The following FAF1 variants were observed in gnomAD, a reference collection of about 807,000 sequenced individuals.
The protein encoded by FAF1 is FAS-associated factor 1.
Under a neutral mutation model 92.5 loss-of-function variants are expected in FAF1, and 25 were observed. The observed-to-expected ratio is 0.27, with a 90% CI of 0.20 to 0.38. The LOEUF is 0.38. Among genes scored for constraint, FAF1 ranks in the 10% least tolerant of loss-of-function variants. The pLI is 1.00. For synonymous variants in FAF1, 234 were observed against 273.2 expected (o/e 0.86, Z 1.42); for missense variants, 636 against 793.3 (o/e 0.80, Z 2.38).
At chr1:50,939,456 A>G (rs931144980) in intron 1 of FAF1, among the ~76,000 whole-genome samples, 2 of 152,174 alleles carry the variant, frequency 1.3e-5, no homozygotes, top group African/African-American at 2.4e-5. Context: ...CAGTTCTAGG[A>G]GCTTTTGGCA....
chr1:50,885,324 A>ACACACACACACACACACACACACACC (rs1644651416), intron 1 of FAF1, among the ~76,000 whole-genome samples: 3 of 102,208 alleles, frequency 2.9e-5, no homozygotes, highest in Non-Finnish European at 4.3e-5. Context: ...ACACACACAC[A>ACACACACACACACACACACACACACC]CTCTCTCTCT....
intron 2 of FAF1, among the ~76,000 whole-genome samples, chr1:50,845,190 G>T (rs1315674744): frequency 1.3e-5 from 2 of 152,104 alleles, no homozygotes; most frequent in African/African-American, 4.8e-5. Flanking sequence ...ACCTTTCTCT[G>T]TAAAAGGCAC....
chr1:50,906,163 A>G (rs1160719050), intron 1 of FAF1, among the ~76,000 whole-genome samples: 1 of 152,058 alleles, frequency 6.6e-6, no homozygotes, highest in Non-Finnish European at 1.5e-5. Context: ...TGTTTTTATC[A>G]GGTTTGTCAA....
chr1:50,918,096 C>A (rs1177179948), intron 1 of FAF1, among the ~76,000 whole-genome samples: 2 of 152,028 alleles, frequency 1.3e-5, no homozygotes, highest in African/African-American at 2.4e-5. Flanking sequence ...GAGTGGGCCA[C>A]CACACCCTGC....
chr1:50,729,051 T>A (rs1658797868), intron 6 of FAF1, among the ~76,000 whole-genome samples: 1 of 97,868 alleles, frequency 1.0e-5, no homozygotes. Flanking sequence ...TATATATATA[T>A]ATATATATTT....
chr1:50,822,608 T>C (rs1333385506), intron 2 of FAF1, among the ~76,000 whole-genome samples: 1 of 152,202 alleles, frequency 6.6e-6, no homozygotes, highest in Non-Finnish European at 1.5e-5. Context: ...CTGCTCACTG[T>C]ATAACTGCCT....
At chr1:50,910,692 G>A (rs957290597) in intron 1 of FAF1, among the ~76,000 whole-genome samples, 3 of 151,882 alleles carry the variant, frequency 2.0e-5, no homozygotes, top group African/African-American at 4.8e-5. Flanking sequence ...AGCCAGGCGC[G>A]GGATTAATCT....
chr1:50,696,864 G>C (rs1657257020), intron 7 of FAF1, among the ~76,000 whole-genome samples: 1 of 152,086 alleles, frequency 6.6e-6, no homozygotes, highest in Non-Finnish European at 1.5e-5. Context: ...TAGATGTAAA[G>C]CTTGGTGTAA....
intron 4 of FAF1, among the ~76,000 whole-genome samples, chr1:50,748,195 T>G (rs886160066): frequency 6.6e-6 from 1 of 152,102 alleles, no homozygotes; most frequent in East Asian, 1.9e-4. Flanking sequence ...GGAAGGATAC[T>G]CTATACAGTA....
intron 1 of FAF1, among the ~76,000 whole-genome samples, chr1:50,874,228 A>G (rs1405809676): frequency 2.0e-5 from 3 of 152,140 alleles, no homozygotes; most frequent in Admixed American, 6.5e-5. Flanking sequence ...AGTCTACCAG[A>G]CCATTTGAAA....
chr1:50,463,956 G>T (rs1646463370), intron 18 of FAF1, among the ~76,000 whole-genome samples: 1 of 152,158 alleles, frequency 6.6e-6, no homozygotes, highest in Non-Finnish European at 1.5e-5. Flanking sequence ...AAAAAGTAAT[G>T]TTGAGAGAAG....
chr1:50,468,101 C>T (rs772224105), intron 18 of FAF1, among the ~76,000 whole-genome samples: 1 of 151,778 alleles, frequency 6.6e-6, no homozygotes, highest in African/African-American at 2.4e-5. Flanking sequence ...CCCAGCTACT[C>T]GGGAGGGTGA....
chr1:50,515,192 G>A (rs1348924938), intron 15 of FAF1, among the ~76,000 whole-genome samples: 1 of 152,078 alleles, frequency 6.6e-6, no homozygotes, highest in African/African-American at 2.4e-5. Flanking sequence ...GGTCTATTAT[G>A]GTTTAGTCAT....
At chr1:50,629,196 ACT>A (rs1328973203) in intron 8 of FAF1, among the ~76,000 whole-genome samples, 18 of 105,986 alleles carry the variant, frequency 1.7e-4, no homozygotes, top group African/African-American at 5.9e-4. Flanking sequence ...ACGGAGTTTC[ACT>A]CTTTCTTGTT....
chr1:50,812,985 TGTGTTCTCACTTATAA>T (rs1221726728), intron 2 of FAF1, among the ~76,000 whole-genome samples: 1 of 152,062 alleles, frequency 6.6e-6, no homozygotes, highest in Non-Finnish European at 1.5e-5. Context: ...CCAAACATAG[TGTGTTCTCACTTATAA>T]GTAGGAGGTA....
chr1:50,759,662 T>C (rs1164789459), intron 4 of FAF1, among the ~76,000 whole-genome samples: 1 of 152,206 alleles, frequency 6.6e-6, no homozygotes, highest in African/African-American at 2.4e-5. Flanking sequence ...TTTGCATATA[T>C]ACCCAGTAAT....
Position 50,736,780 on chromosome 1 carries a change from A to T in FAF1, c.551+2083T>A, listed in dbSNP as rs1261191553. ...AAAAAGAAAGAAAGAAAAAAAAAAG[A>T]TGTCAAAATATTTTTATTTGATGAG... On this transcript the variant is annotated intron_variant, in intron 6 of 18. Coordinates refer to ENST00000396153, the MANE Select transcript of FAF1 (RefSeq NM_007051.3). Among the ~76,000 whole-genome samples, 5 of 152,170 alleles carry T rather than the reference A, an allele frequency of 3.3e-5. No individual in the cohort carries two copies. In the South Asian group the frequency reaches 8.3e-4, roughly 25 times the overall value.
intron 7 of FAF1, among the ~76,000 whole-genome samples, chr1:50,662,805 A>C (rs1655441857): frequency 7.2e-6 from 1 of 138,770 alleles, no homozygotes; most frequent in Admixed American, 8.5e-5. Flanking sequence ...GGTTCACGTC[A>C]TTCTCCTGCC....
chr1:50,563,040 T>C (rs897264549), intron 13 of FAF1, among the ~76,000 whole-genome samples: 1 of 152,196 alleles, frequency 6.6e-6, no homozygotes, highest in African/African-American at 2.4e-5. Context: ...TAGAGACGAC[T>C]CAAAGTAGAT....
Sources: allele counts gnomAD v4.1 joint callset (sites outside exome capture counted in the v4.1 genomes callset), GRCh38; gene constraint gnomAD v4.1.1; transcripts MANE v1.5; gene names NCBI Gene and HGNC (gene_info 2026-07-23, HGNC 2026-07-21).